Variants in TENM2 observed in about 807,000 individuals in gnomAD.
The protein encoded by TENM2 is teneurin-2.
A neutral mutation model predicts 245.2 loss-of-function variants in TENM2; 52 were observed. The ratio of observed to expected loss-of-function variants is 0.21; its 90% CI spans 0.17 to 0.27. The LOEUF (loss-of-function observed/expected upper bound fraction) is 0.27. Ranked by LOEUF, TENM2 falls within the 10% of genes least tolerant of loss-of-function variation. The pLI, the probability that TENM2 is intolerant of heterozygous loss-of-function variation, is 1.00. For missense variants in TENM2, 3,046 were observed against 3,666.8 expected (o/e 0.83, Z 4.37); for synonymous variants, 1,363 against 1,438.9 (o/e 0.95, Z 1.19).
chr5:167,279,326 G>C, the TENM2 span, among the ~76,000 whole-genome samples: 1 of 152,216 alleles, frequency 6.6e-6, no homozygotes, highest in African/African-American at 2.4e-5. Context: ...GATATATTCA[G>C]CTACATTTTC....
chr5:167,742,610 A>T (rs2150598146), intron 2 of TENM2, among the ~76,000 whole-genome samples: 1 of 152,232 alleles, frequency 6.6e-6, no homozygotes, highest in Non-Finnish European at 1.5e-5. Flanking sequence ...GGAAGGAGGC[A>T]TTGGGCTAAA....
chr5:167,058,033 A>G, the TENM2 span, among the ~76,000 whole-genome samples: 1 of 152,006 alleles, frequency 6.6e-6, no homozygotes, highest in Admixed American at 6.6e-5. Flanking sequence ...CTGCTCCATT[A>G]TGTTATTCCC....
chr5:167,141,961 C>T, the TENM2 span, among the ~76,000 whole-genome samples: 4 of 152,202 alleles, frequency 2.6e-5, no homozygotes, highest in Admixed American at 2.6e-4. Context: ...GGAGTAGTCA[C>T]TTGTGTGTAA....
At chr5:167,755,132 G>T (rs1241632599) in intron 2 of TENM2, 2 of 1,599,054 alleles carry the variant, frequency 1.3e-6, no homozygotes, top group Admixed American at 3.3e-5. Flanking sequence ...ATGGAGACCC[G>T]GCAGTACCTC....
the TENM2 span, among the ~76,000 whole-genome samples, chr5:167,127,225 C>T: frequency 6.6e-6 from 1 of 152,036 alleles, no homozygotes; most frequent in Non-Finnish European, 1.5e-5. Context: ...CTTTTAAAAA[C>T]GAATCTCTCA....
chr5:167,869,258 A>G (rs553934959), intron 2 of TENM2, among the ~76,000 whole-genome samples: 29 of 152,350 alleles, frequency 1.9e-4, no homozygotes, highest in East Asian at 9.6e-4. Flanking sequence ...GTTGGAGCCC[A>G]GGGTTTTATT....
At chr5:167,414,278 C>T (rs533014663) in intron 2 of TENM2, among the ~76,000 whole-genome samples, 2 of 151,970 alleles carry the variant, frequency 1.3e-5, no homozygotes, top group African/African-American at 4.8e-5. Context: ...ATGAAATGAT[C>T]TTGTAAAATT....
intron 24 of TENM2, among the ~76,000 whole-genome samples, chr5:168,227,593 T>C (rs936028204): frequency 4.6e-5 from 7 of 151,786 alleles, no homozygotes; most frequent in Non-Finnish European, 1.0e-4. Context: ...ACAAATTGTG[T>C]AGGCAATAGA....
chr5:168,215,372 C>A, intron 21 of TENM2, 100 bp downstream of exon 23: 2 of 902,336 alleles, frequency 2.2e-6, no homozygotes, highest in Non-Finnish European at 1.8e-6. Context: ...CAGTCCAAAA[C>A]ACAGCTTTCC....
intron 1 of TENM2, among the ~76,000 whole-genome samples, chr5:167,359,843 G>A (rs1025720195): frequency 3.2e-4 from 49 of 152,138 alleles, no homozygotes; most frequent in African/African-American, 1.2e-3. Flanking sequence ...CCATAAAAAG[G>A]AATGAGATCA....
chr5:167,012,672 C>T, the TENM2 span, among the ~76,000 whole-genome samples: 1 of 152,082 alleles, frequency 6.6e-6, no homozygotes, highest in East Asian at 1.9e-4. Context: ...ACAAAGGAAC[C>T]CAACCAAAGG....
At chr5:167,180,620 T>A in the TENM2 span, among the ~76,000 whole-genome samples, 1 of 152,246 alleles carries the variant, frequency 6.6e-6, no homozygotes, top group Admixed American at 6.5e-5. Flanking sequence ...TAGCTTCCTG[T>A]TGAACGGAAG....
the TENM2 span, among the ~76,000 whole-genome samples, chr5:167,081,035 G>T: frequency 6.6e-6 from 1 of 151,772 alleles, no homozygotes; most frequent in African/African-American, 2.4e-5. Context: ...ATTAGCATAT[G>T]ATACATTCTA....
At chr5:167,850,033 G>C (rs111668185) in intron 2 of TENM2, among the ~76,000 whole-genome samples, 1 of 152,104 alleles carries the variant, frequency 6.6e-6, no homozygotes, top group Non-Finnish European at 1.5e-5. Context: ...CTCTCTCCTC[G>C]CTGGAGGATG....
intron 2 of TENM2, among the ~76,000 whole-genome samples, chr5:167,869,875 A>G (rs1013414611): frequency 2.0e-5 from 3 of 152,230 alleles, no homozygotes; most frequent in African/African-American, 7.2e-5. Flanking sequence ...AAAGGAGAGC[A>G]ATATCCCAGG....
At chr5:167,959,137 C>T (rs926365592) in intron 4 of TENM2, among the ~76,000 whole-genome samples, 2 of 152,060 alleles carry the variant, frequency 1.3e-5, no homozygotes, top group Admixed American at 6.5e-5. Flanking sequence ...CAGGTTTGGC[C>T]CTTTCACATA....
At chr5:167,758,196 T>C (rs762896766) in intron 2 of TENM2, among the ~76,000 whole-genome samples, 3 of 152,228 alleles carry the variant, frequency 2.0e-5, no homozygotes, top group Non-Finnish European at 4.4e-5. Flanking sequence ...GTGGTCCCTA[T>C]AGTGTCATTA....
At chr5:168,110,871 A>C (rs1248446129) in intron 9 of TENM2, among the ~76,000 whole-genome samples, 5 of 152,224 alleles carry the variant, frequency 3.3e-5, no homozygotes, top group Admixed American at 2.6e-4. Context: ...ATAACTCTCA[A>C]AATGGAGGCA....
chr5:167,833,677 T>C (rs1228750497), intron 2 of TENM2, among the ~76,000 whole-genome samples: 2 of 152,222 alleles, frequency 1.3e-5, no homozygotes, highest in African/African-American at 2.4e-5. Flanking sequence ...TGCAGTCCCA[T>C]TGGAAACGCA....
Sources: gnomAD v4.1 joint callset for allele counts (sites outside exome capture counted in the v4.1 genomes callset) on GRCh38, gnomAD v4.1.1 for gene constraint, MANE v1.5 for transcripts, NCBI Gene and HGNC (gene_info 2026-07-23, HGNC 2026-07-21) for gene names.